ASTN2: variants seen among roughly 807,000 people sequenced by gnomAD.
ASTN2 encodes astrotactin 2.
In ASTN2, 54 loss-of-function variants were observed where a neutral mutation model predicts 139.8. The ratio of observed to expected loss-of-function variants is 0.39; its 90% CI spans 0.31 to 0.48. ASTN2 has a LOEUF of 0.48. Among genes scored for constraint, ASTN2 ranks in the 20% least tolerant of loss-of-function variants. The probability of loss-of-function intolerance (pLI) is 0.95; values close to 1 mark genes in which losing one functional copy is unlikely to be tolerated. For synonymous variants in ASTN2, 756 were observed against 719.5 expected (o/e 1.05, Z -0.81); for missense variants, 1,565 against 1,725.1 (o/e 0.91, Z 1.64).
intron 12 of ASTN2, among the ~76,000 whole-genome samples, chr9:116,810,612 T>C (rs1320623794): frequency 6.6e-6 from 1 of 152,210 alleles, no homozygotes; most frequent in Non-Finnish European, 1.5e-5. Context: ...TGATGTTGCA[T>C]CCTACGAACA....
At chr9:117,342,215 C>A (rs1367038689) in intron 1 of ASTN2, among the ~76,000 whole-genome samples, 1 of 152,164 alleles carries the variant, frequency 6.6e-6, no homozygotes, top group Non-Finnish European at 1.5e-5. Flanking sequence ...GGTTCAGAGA[C>A]AGGAGAACCC....
intron 10 of ASTN2, among the ~76,000 whole-genome samples, chr9:116,869,841 T>G (rs1200972041): frequency 6.6e-6 from 1 of 152,180 alleles, no homozygotes; most frequent in Non-Finnish European, 1.5e-5. Flanking sequence ...TAGTGGCTCA[T>G]GCCTGTAATC....
chr9:116,740,749 C>T (rs530476994), intron 13 of ASTN2, among the ~76,000 whole-genome samples: 67 of 151,848 alleles, frequency 4.4e-4, no homozygotes, highest in African/African-American at 1.1e-3. Flanking sequence ...CTCCTGACCT[C>T]GGGATCTGCC....
At chr9:117,330,861 CT>C (rs1232818068) in intron 1 of ASTN2, among the ~76,000 whole-genome samples, 1 of 152,158 alleles carries the variant, frequency 6.6e-6, no homozygotes, top group Non-Finnish European at 1.5e-5. Context: ...GGGATGTGCC[CT>C]TCTCCGGATC....
chr9:117,164,530 C>T (rs1830625426), intron 3 of ASTN2, among the ~76,000 whole-genome samples: 1 of 152,060 alleles, frequency 6.6e-6, no homozygotes, highest in Non-Finnish European at 1.5e-5. Context: ...ATCAAAACAG[C>T]CTCCTGGTCT....
intron 16 of ASTN2, among the ~76,000 whole-genome samples, chr9:116,661,203 C>T (rs991516768): frequency 1.3e-5 from 2 of 150,854 alleles, no homozygotes; most frequent in African/African-American, 5.0e-5. Flanking sequence ...AGGTTGTGGC[C>T]AGTAACAGGA....
At chr9:116,895,499 C>A (rs1390841745) in intron 10 of ASTN2, among the ~76,000 whole-genome samples, 1 of 152,084 alleles carries the variant, frequency 6.6e-6, no homozygotes, top group Non-Finnish European at 1.5e-5. Context: ...GAAGTGGAAG[C>A]GGTCATGGTT....
chr9:117,177,578 C>T (rs993125754), intron 3 of ASTN2, among the ~76,000 whole-genome samples: 3 of 152,116 alleles, frequency 2.0e-5, no homozygotes, highest in Admixed American at 1.3e-4. Context: ...CAGTGTAAAA[C>T]TCAAACATGG....
intron 16 of ASTN2, among the ~76,000 whole-genome samples, chr9:116,716,849 G>A (rs571291390): frequency 2.8e-4 from 42 of 152,332 alleles, no homozygotes; most frequent in African/African-American, 9.6e-4. Context: ...TGCTCAAGCT[G>A]AAGGTCTAAA....
intron 10 of ASTN2, among the ~76,000 whole-genome samples, chr9:116,956,069 C>T (rs1206454743): frequency 6.6e-6 from 1 of 150,890 alleles, no homozygotes; most frequent in Non-Finnish European, 1.5e-5. Context: ...ACCAACTAAT[C>T]AGAACTCTTT....
Position 116,964,265 on chromosome 9 carries a change from G to A in ASTN2, c.1889+10943C>T, listed in dbSNP as rs201205519. On this transcript the variant is annotated intron_variant, in intron 10 of 22. Coordinates refer to ENST00000313400, the MANE Select transcript of ASTN2 (RefSeq NM_001365068.1). ...TGTGTGTGTGTGTGTGTGCGCGCGC[G>A]CGCGTGTGTGTTGACTACTGGGTGG... Among the ~76,000 whole-genome samples the A allele has an allele frequency of 1.0e-3, 151 of 149,902 alleles. 1 individual carries two copies. Among genetic ancestry groups the A allele is most frequent in the African/African-American group, 1.7e-3 (69 of 40,998 alleles).
intron 4 of ASTN2, among the ~76,000 whole-genome samples, chr9:117,098,456 C>G (rs1420454455): frequency 6.6e-6 from 1 of 152,168 alleles, no homozygotes; most frequent in Non-Finnish European, 1.5e-5. Context: ...CACACCCATC[C>G]TTCCTTAAGA....
intron 1 of ASTN2, among the ~76,000 whole-genome samples, chr9:117,339,658 T>C (rs1829002402): frequency 1.3e-5 from 2 of 152,278 alleles, no homozygotes; most frequent in Admixed American, 6.5e-5. Flanking sequence ...AGGCCTCTCA[T>C]GTTTCCTAAT....
chr9:117,329,116 T>C (rs1461383152), intron 1 of ASTN2, among the ~76,000 whole-genome samples: 4 of 151,738 alleles, frequency 2.6e-5, no homozygotes, highest in African/African-American at 9.7e-5. Context: ...CAGGGAAGAC[T>C]TCTAGGAAGC....
chr9:117,272,404 G>T (rs2133127083), intron 2 of ASTN2, among the ~76,000 whole-genome samples: 1 of 152,328 alleles, frequency 6.6e-6, no homozygotes, highest in South Asian at 2.1e-4. Flanking sequence ...TGCTGTGAAG[G>T]TCTCTGGCAT....
intron 20 of ASTN2, among the ~76,000 whole-genome samples, chr9:116,445,589 C>G (rs1307490438): frequency 6.6e-6 from 1 of 152,124 alleles, no homozygotes; most frequent in Non-Finnish European, 1.5e-5. Flanking sequence ...AAGAGAGCCC[C>G]CAGGATGCTG....
At chr9:116,831,144 G>A (rs1045610299) in intron 11 of ASTN2, among the ~76,000 whole-genome samples, 1 of 152,054 alleles carries the variant, frequency 6.6e-6, no homozygotes, top group Non-Finnish European at 1.5e-5. Flanking sequence ...CTAAACAATC[G>A]GTACACCTGC....
intron 20 of ASTN2, among the ~76,000 whole-genome samples, chr9:116,459,952 A>G (rs73520384): frequency 0.018 from 2,758 of 152,206 alleles, 79 homozygotes; most frequent in African/African-American, 0.063. Flanking sequence ...ACTTGCATAA[A>G]AATTTTCATA....
At chr9:116,801,496 G>A (rs1036469702) in intron 13 of ASTN2, among the ~76,000 whole-genome samples, 10 of 147,130 alleles carry the variant, frequency 6.8e-5, no homozygotes, top group Admixed American at 2.8e-4. Context: ...GGAGAATCGC[G>A]TGAACCTGGG....
Sources: gnomAD v4.1 joint callset for allele counts (sites outside exome capture counted in the v4.1 genomes callset) on GRCh38, gnomAD v4.1.1 for gene constraint, MANE v1.5 for transcripts, NCBI Gene and HGNC (gene_info 2026-07-23, HGNC 2026-07-21) for gene names.